Variants in AXIN1 observed in about 807,000 individuals in gnomAD.
AXIN1 encodes axin-1.
In AXIN1, 30 loss-of-function variants were observed where a neutral mutation model predicts 76.4. That is an observed-to-expected ratio of 0.39 (90% CI 0.29 to 0.53). The LOEUF is 0.53. Ranked by LOEUF, AXIN1 falls within the 20% of genes least tolerant of loss-of-function variation. The pLI is 0.66. For missense variants in AXIN1, 1,140 were observed against 1,198.8 expected (o/e 0.95, Z 0.72); for synonymous variants, 545 against 501.4 (o/e 1.09, Z -1.16).
Position 298,177 on chromosome 16 carries a change from A to C in AXIN1, c.1329T>G (p.Ala443=), listed in dbSNP as rs1304949214. The change falls in exon 6 of 11, where the codon GCT becomes GCG. Residue 443 remains alanine, a synonymous_variant. Transcript: ENST00000262320. The stretch of plus-strand genomic sequence containing the variant: ...CACAGCGGGGCGGGAAGTGGTGCCA[A>C]GCGGGGGCGGGAGGCAGCTTGTGAC... ...GPCHKLPPAP[A]WHHFPPRCVD... is the part of the protein sequence containing the mutation. 6.5e-7 allele frequency: 1 copy of C among 1,542,498 alleles called. No individual in the cohort carries two copies. Among genetic ancestry groups the C allele is most frequent in the Non-Finnish European group, 8.7e-7 (1 of 1,147,434 alleles).
Position 332,305 on chromosome 16 carries a change from C to T in AXIN1, c.878+13843G>A, listed in dbSNP as rs573024832. 7.9e-5 allele frequency among the ~76,000 whole-genome samples: 12 copies of T among 151,398 alleles called. No individual in the cohort carries two copies. The East Asian group carries it at 9.7e-4, about 12-fold the overall frequency. On this transcript the variant is annotated intron_variant, in intron 2 of 10. Transcript: ENST00000262320. ...ATAAAACCTGCAGCCAGGCTGGGCG[C>T]GGTGGCTCACGCCTGTAATCCCAGC...
At chr16:310,150 A>C (rs1597034282) in intron 3 of AXIN1, 81 bp from the exon 4 acceptor site, 1 of 1,330,002 alleles carries the variant, frequency 7.5e-7, no homozygotes, top group Non-Finnish European at 1.1e-6. Context: ...CCTGGCCCCG[A>C]CCGCCGGTCA....
At position 314,646 on chromosome 16, in the gene AXIN1, C is replaced by T. The variant is rs192381684; in HGVS notation, c.916G>A (p.Val306Ile). 6.2e-7 allele frequency: 1 copy of T among 1,614,010 alleles called. No individual in the cohort carries two copies. Among genetic ancestry groups the T allele is most frequent in the East Asian group, 2.2e-5 (1 of 44,886 alleles). The change falls in exon 3 of 11, where the codon GTC becomes ATC. Residue 306 changes from valine (V) to isoleucine (I), a missense_variant. Around this residue, in one of 3 missense-constraint regions of AXIN1, gnomAD observed 708 missense variants for 776.9 expected, o/e 0.91. Transcript: ENST00000262320. ...GGGGCCAGGGCATAGCCGGCATTGA[C>T]ATAATAGGGGTTGACTGGCTCCCGC... is the stretch of plus-strand genomic sequence containing the variant. ...SWREPVNPYY[V>I]NAGYALAPAT...
intron 2 of AXIN1, among the ~76,000 whole-genome samples, chr16:323,823 G>A (rs2053519056): frequency 6.6e-6 from 1 of 151,356 alleles, no homozygotes. Context: ...AAAACACTGA[G>A]GGGTGTGACT....
intron 3 of AXIN1, among the ~76,000 whole-genome samples, 170 bp downstream of exon 3, chr16:314,371 CCT>C (rs1597046457): frequency 6.6e-6 from 1 of 152,244 alleles, no homozygotes; most frequent in African/African-American, 2.4e-5. Context: ...CACGAAGCCC[CCT>C]CTGAGCTGGC....
chr16:319,286 C>T (rs923957147), intron 2 of AXIN1, among the ~76,000 whole-genome samples: 4 of 152,098 alleles, frequency 2.6e-5, no homozygotes, highest in African/African-American at 9.7e-5. Context: ...AAGATATGAT[C>T]ACGCCACTGT....
In AXIN1 at chr16:346,323, A is replaced by C; in HGVS notation, c.703T>G (p.Ser235Ala). The C allele has an allele frequency of 6.2e-7, 1 of 1,614,196 alleles. No homozygotes were observed. The highest frequency in any genetic ancestry group is 1.1e-5 in the South Asian group (1 of 91,082). ...TCATTTAAGGTCGGCAGGTATCCAG[A>C]TATGCCCTTCCCTGTCCCTGACCCA... ...SSGSGTGKGI[S>A]GYLPTLNEDE... Residue 235 changes from serine (S) to alanine (A), a missense_variant, in exon 2 of 11, where the codon TCT (serine) becomes GCT (alanine). Coordinates refer to ENST00000262320, the MANE Select transcript of AXIN1 (RefSeq NM_003502.4).
chr16:291,431 G>A, intron 8 of AXIN1, 134 bp from the exon 9 acceptor site: 1 of 762,390 alleles, frequency 1.3e-6, no homozygotes, highest in East Asian at 2.7e-5. Flanking sequence ...GCAGGCTCCA[G>A]TTTGCAGGGT....
chr16:340,773 GACAAAC>G (rs2053900776), intron 2 of AXIN1, among the ~76,000 whole-genome samples: 1 of 152,214 alleles, frequency 6.6e-6, no homozygotes, highest in Admixed American at 6.5e-5. Flanking sequence ...GGGTGAGTGG[GACAAAC>G]ACAGAAAAGG....
chr16:299,343 C>T (rs2052804806), intron 5 of AXIN1: 1 of 656,850 alleles, frequency 1.5e-6, no homozygotes, highest in South Asian at 6.7e-5. Context: ...ACTAAGTTAC[C>T]ATGTATCTAT....
intron 3 of AXIN1, among the ~76,000 whole-genome samples, chr16:311,509 T>C (rs1016476105): frequency 7.9e-5 from 12 of 151,582 alleles, no homozygotes; most frequent in Admixed American, 2.6e-4. Flanking sequence ...CAGTGGCTCA[T>C]GCCTGTCATC....
At chr16:290,077 C>T (rs1372855846) in intron 9 of AXIN1, 1 of 239,552 alleles carries the variant, frequency 4.2e-6, no homozygotes, top group Non-Finnish European at 8.3e-6. Flanking sequence ...GCAGGCCCTT[C>T]AGAGGGGGCA....
At chr16:334,881 G>C (rs2053771732) in intron 2 of AXIN1, among the ~76,000 whole-genome samples, 1 of 152,068 alleles carries the variant, frequency 6.6e-6, no homozygotes. Flanking sequence ...CAGTACCATG[G>C]CACACTAATT....
At chr16:302,616 C>T (rs2052903546) in intron 5 of AXIN1, among the ~76,000 whole-genome samples, 1 of 152,172 alleles carries the variant, frequency 6.6e-6, no homozygotes. Flanking sequence ...CTGCGTCCAC[C>T]CTCACGGTGG....
In AXIN1 at chr16:287,975, G is replaced by T; in HGVS notation, c.*147C>A. On this transcript the variant is annotated 3_prime_UTR_variant, in exon 11 of 11. Coordinates refer to ENST00000262320, the MANE Select transcript of AXIN1 (RefSeq NM_003502.4). Reference sequence around the variant, plus strand: ...GACCACTTGGAGGGACCCCCTACCTGCCTCTAGACACGGGTAGACCACAGG... The same window carrying T: ...GACCACTTGGAGGGACCCCCTACCTTCCTCTAGACACGGGTAGACCACAGG... 1 of 1,379,554 alleles carries T rather than the reference G, an allele frequency of 7.2e-7. No homozygotes were observed. 85.5% of individuals were successfully genotyped at this position (1,379,554 alleles called of 1,614,324 possible). A position where few individuals can be genotyped will look rare whatever the true frequency, so the allele number is the denominator to read the frequency against.
At chr16:308,736 A>C (rs6600210) in intron 4 of AXIN1, among the ~76,000 whole-genome samples, 75,878 of 152,094 alleles carry the variant, frequency 0.5, 19,585 homozygotes, top group South Asian at 0.66. Context: ...CCACAGCACA[A>C]GCACGCACAC....
chr16:301,292 C>CA (rs546536548), intron 5 of AXIN1, among the ~76,000 whole-genome samples: 28,774 of 105,486 alleles, frequency 0.27, 3,446 homozygotes, highest in African/African-American at 0.4. Flanking sequence ...CAAAACAAAG[C>CA]AAAAAAAAAA....
At chr16:329,778 C>T (rs1443077607) in intron 2 of AXIN1, among the ~76,000 whole-genome samples, 1 of 151,148 alleles carries the variant, frequency 6.6e-6, no homozygotes, top group East Asian at 1.9e-4. Context: ...TGCCAGCCAC[C>T]TTGCCCGGCT....
intron 2 of AXIN1, among the ~76,000 whole-genome samples, chr16:342,195 G>T (rs908042960): frequency 6.6e-6 from 1 of 151,884 alleles, no homozygotes; most frequent in African/African-American, 2.4e-5. Context: ...AACACTCACC[G>T]CGAAGATCTG....
Sources: gnomAD v4.1 joint callset for allele counts (sites outside exome capture counted in the v4.1 genomes callset) on GRCh38, gnomAD v4.1.1 for gene constraint, gnomAD v4.1.1 regional missense constraint, MANE v1.5 for transcripts, NCBI Gene and HGNC (gene_info 2026-07-23, HGNC 2026-07-21) for gene names.